DIAPH2: variants seen among roughly 807,000 people sequenced by gnomAD.
The protein encoded by DIAPH2 is diaphanous related formin 2, also known as protein diaphanous homolog 2.
A neutral mutation model predicts 92.7 loss-of-function variants in DIAPH2; 35 were observed. The ratio of observed to expected loss-of-function variants is 0.38; its 90% confidence interval spans 0.29 to 0.50. The LOEUF (loss-of-function observed/expected upper bound fraction) is 0.50, where lower values mean the gene tolerates loss of function less well. DIAPH2 is among the 20% of genes least tolerant of loss of function. The pLI is 0.94. For missense variants in DIAPH2, 701 were observed against 819.5 expected, an observed-to-expected ratio of 0.86 and a Z score of 1.77; for synonymous variants, 301 against 280.4, an observed-to-expected ratio of 1.07 and a Z score of -0.73.
chrX:97,338,247 A>G (rs376853529), intron 23 of DIAPH2, among the ~76,000 whole-genome samples: 1 of 111,993 alleles, frequency 8.9e-6, no homozygotes, highest in East Asian at 2.8e-4. Context: ...AACCCAAATG[A>G]AAATTAATAC....
chrX:97,028,898 C>T (rs745813537), intron 17 of DIAPH2, among the ~76,000 whole-genome samples: 2 of 111,508 alleles, frequency 1.8e-5, no homozygotes, highest in South Asian at 7.6e-4. Flanking sequence ...AAACAGTTTT[C>T]CAAAGTAGCT....
At chrX:96,718,117 G>A (rs2147544874) in intron 1 of DIAPH2, among the ~76,000 whole-genome samples, 1 of 105,084 alleles carries the variant, frequency 9.5e-6, no homozygotes. Flanking sequence ...CCAGCCTCTG[G>A]TAAACATCAT....
intron 24 of DIAPH2, among the ~76,000 whole-genome samples, chrX:97,373,982 G>T (rs2069476084): frequency 9.0e-6 from 1 of 110,915 alleles, no homozygotes; most frequent in East Asian, 2.8e-4. Flanking sequence ...GAAGAGAATA[G>T]CTGAGGAAGA....
At chrX:96,947,010 A>G (rs1405548392) in intron 14 of DIAPH2, among the ~76,000 whole-genome samples, 1 of 111,668 alleles carries the variant, frequency 9.0e-6, no homozygotes, top group East Asian at 2.8e-4. Flanking sequence ...AGTAGTTGTG[A>G]GATCTGATCT....
intron 23 of DIAPH2, among the ~76,000 whole-genome samples, chrX:97,320,760 T>C (rs1384894335): frequency 9.1e-6 from 1 of 109,607 alleles, no homozygotes; most frequent in African/African-American, 3.3e-5. Context: ...GAGGCTGCCT[T>C]GAATGTAGGT....
intron 4 of DIAPH2, among the ~76,000 whole-genome samples, chrX:96,826,732 C>T (rs1386609610): frequency 2.7e-5 from 3 of 111,518 alleles, no homozygotes; most frequent in African/African-American, 9.8e-5. Context: ...CCAAAACCCT[C>T]TTAAAATTTT....
At chrX:97,162,427 C>T (rs1222184415) in intron 22 of DIAPH2, among the ~76,000 whole-genome samples, 3 of 111,686 alleles carry the variant, frequency 2.7e-5, no homozygotes, top group South Asian at 3.8e-4. Flanking sequence ...AGAATAGTAC[C>T]TGTCATATAG....
At chrX:96,912,261 T>C (rs1242914398) in intron 5 of DIAPH2, 67 bp from the exon 6 acceptor site, 2 of 857,462 alleles carry the variant, frequency 2.3e-6, no homozygotes, top group East Asian at 6.9e-5. Flanking sequence ...TAAAATTTTA[T>C]TTTGGATATT....
intron 5 of DIAPH2, chrX:96,885,208 T>C: frequency 1.6e-6 from 1 of 634,945 alleles, no homozygotes; most frequent in Non-Finnish European, 2.4e-6. Flanking sequence ...TCAAGTGGCA[T>C]TCTTTGTCAA....
intron 17 of DIAPH2, among the ~76,000 whole-genome samples, chrX:97,054,207 T>A (rs779827846): frequency 8.9e-6 from 1 of 112,335 alleles, no homozygotes; most frequent in Admixed American, 9.5e-5. Flanking sequence ...GCCTTTAATT[T>A]GTTAGATTAG....
chrX:96,985,383 A>G (rs1483755757), intron 17 of DIAPH2, among the ~76,000 whole-genome samples: 8 of 110,900 alleles, frequency 7.2e-5, no homozygotes, highest in Non-Finnish European at 1.5e-4. Context: ...TCAAGTCTTG[A>G]AGATGACATT....
chrX:96,752,809 G>A (rs986806910), intron 3 of DIAPH2, among the ~76,000 whole-genome samples: 2 of 111,942 alleles, frequency 1.8e-5, no homozygotes, highest in African/African-American at 3.2e-5. Flanking sequence ...AAGATGAAAA[G>A]CGGTTAAAAG....
At chrX:97,482,922 G>C in intron 26 of DIAPH2, among the ~76,000 whole-genome samples, 1 of 111,300 alleles carries the variant, frequency 9.0e-6, no homozygotes, top group Middle Eastern at 4.7e-3. Flanking sequence ...ACATGCTCTG[G>C]GGTGGGGGGA....
intron 20 of DIAPH2, among the ~76,000 whole-genome samples, chrX:97,103,422 C>T (rs1301251012): frequency 1.8e-5 from 2 of 110,651 alleles, no homozygotes; most frequent in Non-Finnish European, 3.8e-5. Context: ...CTCTCTGCTT[C>T]CTTAACTCTC....
At chrX:96,922,002 T>C (rs1157403707) in intron 9 of DIAPH2, among the ~76,000 whole-genome samples, 3 of 111,516 alleles carry the variant, frequency 2.7e-5, no homozygotes, top group Non-Finnish European at 3.8e-5. Flanking sequence ...AAAAATAACA[T>C]TTACAACCCA....
At chrX:97,037,853 A>G (rs965701581) in intron 17 of DIAPH2, among the ~76,000 whole-genome samples, 2 of 111,872 alleles carry the variant, frequency 1.8e-5, no homozygotes, top group Non-Finnish European at 1.9e-5. Context: ...ATGATTTATT[A>G]TCATTATTTT....
At chrX:97,333,276 T>A (rs2069017778) in intron 23 of DIAPH2, among the ~76,000 whole-genome samples, 1 of 111,637 alleles carries the variant, frequency 9.0e-6, no homozygotes, top group African/African-American at 3.3e-5. Flanking sequence ...TGCAACCTGA[T>A]CTCCATTTTA....
intron 22 of DIAPH2, among the ~76,000 whole-genome samples, chrX:97,149,032 T>C (rs901496131): frequency 2.7e-5 from 3 of 111,202 alleles, no homozygotes; most frequent in Non-Finnish European, 5.7e-5. Flanking sequence ...CAATGTGAAA[T>C]GTAACTAACT....
chrX:96,838,978 G>T (rs2064917410), intron 4 of DIAPH2, among the ~76,000 whole-genome samples: 1 of 111,665 alleles, frequency 9.0e-6, no homozygotes. Context: ...CAAATTTTTA[G>T]ATGTATATTT....
Sources: gnomAD v4.1 joint callset for allele counts (sites outside exome capture counted in the v4.1 genomes callset) on GRCh38, gnomAD v4.1.1 for gene constraint, MANE v1.5 for transcripts, NCBI Gene and HGNC (gene_info 2026-07-23, HGNC 2026-07-21) for gene names.